Variants in LYST observed in about 807,000 individuals in gnomAD.
The protein encoded by LYST is lysosomal-trafficking regulator.
In LYST, 192 loss-of-function variants were observed where a neutral mutation model predicts 413.6. The observed-to-expected ratio is 0.46, with a 90% CI of 0.41 to 0.52. LYST has a LOEUF of 0.52. Among genes scored for constraint, LYST ranks in the 20% least tolerant of loss-of-function variants. The pLI is 0.00. For missense variants in LYST, 3,815 were observed against 4,499.9 expected (o/e 0.85, Z 4.35); for synonymous variants, 1,525 against 1,567.3 (o/e 0.97, Z 0.64).
In LYST at chr1:235,798,578, T is replaced by TAAAAAAAAAAAAAAAAAAA. The variant is rs71174462; in HGVS notation, c.4006+1723_4006+1741dup. Among the ~76,000 whole-genome samples the TAAAAAAAAAAAAAAAAAAA allele has an allele frequency of 2.0e-4, 16 of 81,710 alleles. 1 individual carries two copies. Among genetic ancestry groups the TAAAAAAAAAAAAAAAAAAA allele is most frequent in the South Asian group, 5.5e-4 (1 of 1,818 alleles). The allele number at this position is 81,710 out of a possible 152,430, so 53.6% of individuals were successfully genotyped here. On this transcript the variant is annotated intron_variant, in intron 10 of 52. Transcript: ENST00000389793. Reference sequence around the variant, plus strand: ...TGGCGACAAGGGCAAAACCCTGTCATAAAAAAAAAAAAAAAAAAAAAAAAA... The same window carrying TAAAAAAAAAAAAAAAAAAA: ...TGGCGACAAGGGCAAAACCCTGTCATAAAAAAAAAAAAAAAAAAAAAAAAAAAAAAAAAAAAAAAAAAAA...
intron 17 of LYST, among the ~76,000 whole-genome samples, chr1:235,776,255 G>C (rs1669219547): frequency 6.6e-6 from 1 of 152,086 alleles, no homozygotes; most frequent in African/African-American, 2.4e-5. Flanking sequence ...GAGTATGGTG[G>C]ATCAAATGCT....
chr1:235,880,495 C>T (rs1236094970), intron 1 of LYST, among the ~76,000 whole-genome samples: 1 of 152,178 alleles, frequency 6.6e-6, no homozygotes, highest in African/African-American at 2.4e-5. Flanking sequence ...TTTGCCACAC[C>T]TAATATGTAC....
intron 10 of LYST, among the ~76,000 whole-genome samples, chr1:235,800,020 G>C (rs1307653738): frequency 8.2e-6 from 1 of 121,298 alleles, no homozygotes; most frequent in Non-Finnish European, 1.6e-5. Flanking sequence ...GCAGTGGCAT[G>C]ATCATGGCTC....
Position 235,781,978 on chromosome 1 carries a change from A to G in LYST, c.4972T>C (p.Phe1658Leu), listed in dbSNP as rs771710044. The G allele has an allele frequency of 5.0e-6, 8 of 1,613,628 alleles. No individual in the cohort carries two copies. The East Asian group carries it at 1.6e-4, about 31-fold the overall frequency. ...TCCCATTTTCCAGCCAACTGCAAAAACTCTTCTTGGGATGATAAACAATGG... is the reference window on the plus strand; with the variant it reads ...TCCCATTTTCCAGCCAACTGCAAAAGCTCTTCTTGGGATGATAAACAATGG... Reference protein sequence around the residue: ...IGHCLSSQEEFLQLAGKWDLG... With the variant: ...IGHCLSSQEELLQLAGKWDLG... Residue 1658 changes from phenylalanine to leucine, a missense_variant, in exon 15 of 53, where the codon TTT becomes CTT. Physicochemically the swap from Phe to Leu is conservative, Grantham distance 22. This residue lies in a region of LYST where 530 missense variants were observed against 696.5 expected (regional missense o/e 0.76). Transcript: ENST00000389793.
intron 20 of LYST, among the ~76,000 whole-genome samples, chr1:235,768,307 C>T (rs1014384256): frequency 6.6e-6 from 1 of 152,044 alleles, no homozygotes. Flanking sequence ...CCTATGAATT[C>T]TATCCTTATA....
At chr1:235,712,818 T>C (rs1558142179) in intron 42 of LYST, 23 of 984,930 alleles carry the variant, frequency 2.3e-5, no homozygotes, top group African/African-American at 7.0e-5. Flanking sequence ...TCATTTTTTT[T>C]CCAGGGTAGA....
intron 19 of LYST, among the ~76,000 whole-genome samples, chr1:235,771,032 G>C (rs1180131267): frequency 6.6e-6 from 1 of 151,984 alleles, no homozygotes; most frequent in Non-Finnish European, 1.5e-5. Flanking sequence ...AACTGGCTTG[G>C]GTTGCAGAGC....
chr1:235,712,513 C>G, intron 42 of LYST: 8 of 806,838 alleles, frequency 9.9e-6, no homozygotes, highest in Non-Finnish European at 1.2e-5. Context: ...TGGGATATCA[C>G]CCACACCTTG....
chr1:235,675,488 T>C (rs897495102), intron 50 of LYST, among the ~76,000 whole-genome samples: 3 of 152,188 alleles, frequency 2.0e-5, no homozygotes. Flanking sequence ...AGGCAGCACC[T>C]TTCTGCAGAA....
exon 1 of LYST, chr1:235,883,567 CAA>C (rs1681467507): frequency 6.5e-6 from 1 of 152,758 alleles, no homozygotes; most frequent in Admixed American, 6.5e-5. Context: ...GCCAAAACCC[CAA>C]ACACTCTGGT....
At chr1:235,743,564 T>A (rs1054142427) in intron 30 of LYST, among the ~76,000 whole-genome samples, 1 of 152,182 alleles carries the variant, frequency 6.6e-6, no homozygotes, top group Non-Finnish European at 1.5e-5. Flanking sequence ...ATTCTCTACA[T>A]AATTTTAAAG....
At chr1:235,667,523 A>G (rs906858538) in intron 50 of LYST, among the ~76,000 whole-genome samples, 8 of 152,234 alleles carry the variant, frequency 5.3e-5, no homozygotes, top group African/African-American at 1.9e-4. Flanking sequence ...CACATACAGC[A>G]CAGGCACATA....
intron 45 of LYST, among the ~76,000 whole-genome samples, chr1:235,699,177 T>C (rs1188104031): frequency 6.6e-6 from 1 of 152,146 alleles, no homozygotes; most frequent in East Asian, 1.9e-4. Context: ...TGTGCCATGG[T>C]GGTTTGCTGC....
intron 1 of LYST, among the ~76,000 whole-genome samples, chr1:235,846,762 A>G (rs974549903): frequency 6.6e-6 from 1 of 152,152 alleles, no homozygotes; most frequent in Non-Finnish European, 1.5e-5. Context: ...GAACTAAACA[A>G]GTAGAAGAAA....
At chr1:235,734,363 A>G in intron 32 of LYST, 120 bp downstream of exon 32, 1 of 859,810 alleles carries the variant, frequency 1.2e-6, no homozygotes, top group Non-Finnish European at 1.9e-6. Context: ...AGGAAAAATA[A>G]AATAAAATAA....
At chr1:235,736,100 G>T (rs761860625) in intron 31 of LYST, 3 of 151,918 alleles carry the variant, frequency 2.0e-5, no homozygotes, top group African/African-American at 7.3e-5. Context: ...TTTCTTAAAC[G>T]CTTAAGTTGT....
chr1:235,672,998 C>T (rs1659074400), intron 50 of LYST, among the ~76,000 whole-genome samples: 1 of 152,188 alleles, frequency 6.6e-6, no homozygotes, highest in Non-Finnish European at 1.5e-5. Flanking sequence ...CCGGAGATCA[C>T]ATCCTTATCA....
chr1:235,797,775 T>C (rs552039386), intron 10 of LYST, among the ~76,000 whole-genome samples: 2 of 152,162 alleles, frequency 1.3e-5, no homozygotes, highest in African/African-American at 4.8e-5. Context: ...AATAGATAAA[T>C]TGGACTTCAA....
At position 235,806,428 on chromosome 1, in the gene LYST, C is replaced by G; in HGVS notation, c.2708G>C (p.Cys903Ser). The G allele has an allele frequency of 6.2e-7, 1 of 1,614,064 alleles. No homozygotes were observed. Among genetic ancestry groups the G allele is most frequent in the Non-Finnish European group, 8.5e-7 (1 of 1,179,988 alleles). Residue 903 changes from cysteine (C) to serine (S), a missense_variant, in exon 6 of 53, where the codon TGT (cysteine) becomes TCT (serine). Physicochemically the swap from Cys to Ser is moderately radical, Grantham distance 112. This residue lies in a region of LYST where 1,648 missense variants were observed against 1,810.3 expected (regional missense o/e 0.91). Transcript: ENST00000389793. ...TTTACTTACGCATAAAAAAGCCACA[C>G]AGAGGAATAGGTTTATTGTGTTGAT... ...VHINTINLFL[C>S]VAFLCVSKEA...
Sources: allele counts gnomAD v4.1 joint callset (sites outside exome capture counted in the v4.1 genomes callset), GRCh38; gene constraint gnomAD v4.1.1; regional missense constraint gnomAD v4.1.1; transcripts MANE v1.5; gene names NCBI Gene and HGNC (gene_info 2026-07-23, HGNC 2026-07-21).